CDC42BPB: variants seen among roughly 807,000 people sequenced by gnomAD.
CDC42BPB encodes serine/threonine-protein kinase MRCK beta.
Under a neutral mutation model 214.9 loss-of-function variants are expected in CDC42BPB, and 37 were observed. That is an observed-to-expected ratio of 0.17 (90% CI 0.13 to 0.23). The LOEUF (loss-of-function observed/expected upper bound fraction) is 0.23. Among genes scored for constraint, CDC42BPB ranks in the 10% least tolerant of loss-of-function variants. The probability of loss-of-function intolerance (pLI) is 1.00; values close to 1 mark genes in which losing one functional copy is unlikely to be tolerated. For missense variants in CDC42BPB, 1,694 were observed against 2,227.0 expected (o/e 0.76, Z 4.82); for synonymous variants, 931 against 884.0 (o/e 1.05, Z -0.94).
intron 23 of CDC42BPB, 38 bp from the exon 24 acceptor site, chr14:102,952,641 G>A (rs948148805): frequency 6.3e-7 from 1 of 1,592,818 alleles, no homozygotes; most frequent in Non-Finnish European, 8.6e-7. Flanking sequence ...GGTGAACCAT[G>A]GACTCTTGAG....
chr14:103,012,279 C>T, intron 1 of CDC42BPB, 91 bp from the exon 2 acceptor site: 2 of 1,478,820 alleles, frequency 1.4e-6, no homozygotes, highest in African/African-American at 1.4e-5. Context: ...CTAAGTTATA[C>T]TTTTAAAAAA....
chr14:102,981,514 C>T (rs1894000153), intron 7 of CDC42BPB, among the ~76,000 whole-genome samples: 1 of 152,214 alleles, frequency 6.6e-6, no homozygotes, highest in African/African-American at 2.4e-5. Flanking sequence ...GGCACAGTGA[C>T]TCACGCCTGT....
Position 103,038,715 on chromosome 14 carries a change from CGG to C in CDC42BPB, c.175+18282_175+18283del, listed in dbSNP as rs34311134. 8.8e-3 allele frequency among the ~76,000 whole-genome samples: 257 copies of C among 29,148 alleles called. 3 individuals are homozygous for C. The highest frequency in any genetic ancestry group is 0.023 in the African/African-American group (217 of 9,252). 19.1% of individuals were successfully genotyped at this position (29,148 alleles called of 152,430 possible). On this transcript the variant is annotated intron_variant, in intron 1 of 36. Coordinates refer to ENST00000361246, the MANE Select transcript of CDC42BPB (RefSeq NM_006035.4). ...CTAATTTTTCTATTTTTTGTAGAGA[CGG>C]GGGGGGGGGGCGGGTCTCATTATGT... is the stretch of plus-strand genomic sequence containing the variant.
chr14:103,043,553 G>A (rs1207977815), intron 1 of CDC42BPB, among the ~76,000 whole-genome samples: 1 of 152,110 alleles, frequency 6.6e-6, no homozygotes, highest in East Asian at 1.9e-4. Context: ...AGGTTACAGG[G>A]TTCCTTTGGC....
At chr14:102,947,940 C>G (rs1892260930) in intron 26 of CDC42BPB, 138 bp from the exon 27 acceptor site, 1 of 1,502,190 alleles carries the variant, frequency 6.7e-7, no homozygotes, top group Non-Finnish European at 8.8e-7. Flanking sequence ...CTCGCCTCCC[C>G]AGATGTAAGA....
intron 23 of CDC42BPB, among the ~76,000 whole-genome samples, chr14:102,953,932 G>A (rs998019398): frequency 4.6e-5 from 7 of 152,204 alleles, no homozygotes; most frequent in Non-Finnish European, 1.0e-4. Flanking sequence ...GAGAGAAGGA[G>A]AGTGGGGAGA....
At chr14:102,978,331 A>G in intron 8 of CDC42BPB, 126 bp from the exon 9 acceptor site, 2 of 1,508,550 alleles carry the variant, frequency 1.3e-6, no homozygotes, top group Non-Finnish European at 1.8e-6. Flanking sequence ...GAGAATGCGG[A>G]TTCCATGGTG....
At chr14:102,961,347 T>G (rs1323074673) in intron 20 of CDC42BPB, among the ~76,000 whole-genome samples, 1 of 151,928 alleles carries the variant, frequency 6.6e-6, no homozygotes, top group East Asian at 1.9e-4. Context: ...TTTTTTTTTT[T>G]CTTGACAGAC....
At chr14:103,021,900 C>T (rs1341927395) in intron 1 of CDC42BPB, among the ~76,000 whole-genome samples, 3 of 152,074 alleles carry the variant, frequency 2.0e-5, no homozygotes, top group African/African-American at 7.2e-5. Flanking sequence ...CTGGATGGGG[C>T]GTGCAGGTTG....
At chr14:103,031,177 C>T (rs1887352500) in intron 1 of CDC42BPB, among the ~76,000 whole-genome samples, 1 of 151,932 alleles carries the variant, frequency 6.6e-6, no homozygotes. Context: ...ATGACCCAGA[C>T]ACCAAGCAGA....
intron 30 of CDC42BPB, chr14:102,941,378 T>A: frequency 1.0e-6 from 1 of 985,492 alleles, no homozygotes. Flanking sequence ...CCAAACAGGC[T>A]ACAAGATCAG....
intron 26 of CDC42BPB, among the ~76,000 whole-genome samples, chr14:102,949,462 G>A (rs1892377728): frequency 6.6e-6 from 1 of 151,882 alleles, no homozygotes; most frequent in Admixed American, 6.6e-5. Context: ...TTGTTCTTGG[G>A]CATGTGGTTT....
intron 1 of CDC42BPB, among the ~76,000 whole-genome samples, chr14:103,039,783 A>C (rs536491816): frequency 3.0e-4 from 45 of 152,192 alleles, no homozygotes; most frequent in Non-Finnish European, 5.3e-4. Flanking sequence ...TAGACAACAA[A>C]AAGAAATTAA....
chr14:102,974,182 T>A (rs752808596), intron 11 of CDC42BPB, 33 bp from the exon 12 acceptor site: 2 of 1,610,596 alleles, frequency 1.2e-6, no homozygotes, highest in South Asian at 2.2e-5. Flanking sequence ...TCTGTTCCTT[T>A]ATGTGCAATG....
Position 102,939,963 on chromosome 14 carries a change from G to A in CDC42BPB, c.4592-16C>T, listed in dbSNP as rs772024223. On this transcript the variant is annotated splice_polypyrimidine_tract_variant and intron_variant, in intron 32 of 36. Coordinates refer to ENST00000361246, the MANE Select transcript of CDC42BPB (RefSeq NM_006035.4). ...AGAACCGCTCCTGCAGAAGCAGAGC[G>A]CGCGGTGACGGTGCTGCGGCACCAG... 1.9e-5 allele frequency: 31 copies of A among 1,613,646 alleles called. No homozygotes were observed. Among genetic ancestry groups the A allele is most frequent in the East Asian group, 8.9e-5 (4 of 44,888 alleles).
chr14:102,978,024 C>G (rs35919343), intron 9 of CDC42BPB, 102 bp downstream of exon 9: 1 of 859,432 alleles, frequency 1.2e-6, no homozygotes, highest in East Asian at 2.5e-5. Flanking sequence ...TCCCAGCGCA[C>G]ACACCACCCA....
chr14:102,994,983 C>A (rs574409669), intron 5 of CDC42BPB, among the ~76,000 whole-genome samples: 1 of 152,306 alleles, frequency 6.6e-6, no homozygotes, highest in Admixed American at 6.5e-5. Flanking sequence ...GTTTTCTTTT[C>A]TTTTTTTCCT....
rs750792876 is a variant in CDC42BPB at position 102,946,649 on chromosome 14, G to C, written c.3567C>G (p.Thr1189=). Reference sequence around the variant, plus strand: ...TTTCTGTCAGAATGAGCAGCGAGCTGGTCTTAGAAGGTGCACCTAAGAGAG... The same window carrying C: ...TTTCTGTCAGAATGAGCAGCGAGCTCGTCTTAGAAGGTGCACCTAAGAGAG... ...TASLLGAPSK[T]SSLLILTENE... Residue 1189 remains threonine, a synonymous_variant, in exon 28 of 37, where the codon ACC becomes ACG. Coordinates refer to ENST00000361246, the MANE Select transcript of CDC42BPB (RefSeq NM_006035.4). The C allele has an allele frequency of 2.5e-6, 4 of 1,612,750 alleles. No homozygotes were observed. In the South Asian group the frequency reaches 4.4e-5, roughly 18 times the overall value.
chr14:102,966,918 G>C (rs1254494501), intron 17 of CDC42BPB, 128 bp downstream of exon 17: 5 of 1,085,542 alleles, frequency 4.6e-6, no homozygotes, highest in Non-Finnish European at 6.7e-6. Context: ...GAACAGCAGT[G>C]AGACCTGCAC....
Sources: gnomAD v4.1 joint callset for allele counts (sites outside exome capture counted in the v4.1 genomes callset) on GRCh38, gnomAD v4.1.1 for gene constraint, MANE v1.5 for transcripts, NCBI Gene and HGNC (gene_info 2026-07-23, HGNC 2026-07-21) for gene names.